The following STXBP4 variants were observed in gnomAD, a reference collection of about 807,000 sequenced individuals.
STXBP4 encodes syntaxin-binding protein 4.
STXBP4 carries 55 observed loss-of-function variants against 76.1 expected under a neutral mutation model. The observed-to-expected ratio is 0.72, with a 90% CI of 0.58 to 0.91. The LOEUF (loss-of-function observed/expected upper bound fraction) is 0.91, where lower values mean the gene tolerates loss of function less well. STXBP4 is among the 40% of genes least tolerant of loss of function. The probability of loss-of-function intolerance (pLI) is 0.00; values close to 1 mark genes in which losing one functional copy is unlikely to be tolerated. For synonymous variants in STXBP4, 201 were observed against 220.2 expected, an observed-to-expected ratio of 0.91 and a Z score of 0.77; for missense variants, 618 against 636.9, an observed-to-expected ratio of 0.97 and a Z score of 0.32.
chr17:55,066,396 G>A (rs1385294), intron 12 of STXBP4, among the ~76,000 whole-genome samples: 22,881 of 151,858 alleles, frequency 0.15, 2,285 homozygotes, highest in Admixed American at 0.31. Flanking sequence ...TCTGATTTTT[G>A]TATTTTTAGT....
chr17:55,089,769 A>G (rs754709200), intron 16 of STXBP4, among the ~76,000 whole-genome samples: 7 of 152,228 alleles, frequency 4.6e-5, no homozygotes, highest in Non-Finnish European at 1.0e-4. Context: ...GAAATGCATA[A>G]TAAGAAAAAA....
chr17:55,170,345 CAAT>C lies in STXBP4; in HGVS notation c.*10440_*10442del, dbSNP rs1316799485. The C allele has an allele frequency of 1.3e-5, 2 of 151,530 alleles. No homozygotes were observed. Among genetic ancestry groups the C allele is most frequent in the African/African-American group, 2.4e-5 (1 of 41,214 alleles). The allele number at this position is 151,530 out of a possible 1,614,324, so 9.4% of individuals were successfully genotyped here. The stretch of plus-strand genomic sequence containing the variant: ...GTTTAATGATACCAAGAAAGTATCA[CAAT>C]AATAACATCAAGTGGTAATAACAGG... On this transcript the variant is annotated 3_prime_UTR_variant, in exon 18 of 18. Coordinates refer to ENST00000376352, the MANE Select transcript of STXBP4 (RefSeq NM_178509.6).
intron 17 of STXBP4, among the ~76,000 whole-genome samples, chr17:55,143,021 T>A (rs1485825936): frequency 6.6e-6 from 1 of 152,222 alleles, no homozygotes; most frequent in Non-Finnish European, 1.5e-5. Context: ...CAAATCTGTG[T>A]TGCATTTCTT....
At chr17:55,090,523 G>C (rs1373812254) in intron 16 of STXBP4, among the ~76,000 whole-genome samples, 1 of 151,942 alleles carries the variant, frequency 6.6e-6, no homozygotes, top group Non-Finnish European at 1.5e-5. Context: ...GGCAATCAAA[G>C]GGTCTACACA....
intron 12 of STXBP4, among the ~76,000 whole-genome samples, chr17:55,063,312 A>T (rs575812443): frequency 6.6e-6 from 1 of 152,336 alleles, no homozygotes; most frequent in South Asian, 2.1e-4. Flanking sequence ...GAGAAATTTT[A>T]TTATCCTATT....
At chr17:55,082,927 A>G (rs1177876530) in intron 16 of STXBP4, among the ~76,000 whole-genome samples, 1 of 152,166 alleles carries the variant, frequency 6.6e-6, no homozygotes, top group Non-Finnish European at 1.5e-5. Context: ...TCAATGACAC[A>G]TTGCATTCAT....
At position 55,062,559 on chromosome 17, in the gene STXBP4, A is replaced by C. The variant is rs371692268; in HGVS notation, c.1012-10341A>C. 2.0e-5 allele frequency among the ~76,000 whole-genome samples: 3 copies of C among 152,008 alleles called. No homozygotes were observed. In the East Asian group the frequency reaches 5.8e-4, roughly 29 times the overall value. ...AGTGCTACAATAAACATATGTGTGC[A>C]TGTGTGTGTGTGTCTTTATAGTAGA... On this transcript the variant is annotated intron_variant, in intron 12 of 17. Transcript: ENST00000376352.
chr17:55,011,231 TA>T (rs1356398204), intron 8 of STXBP4, among the ~76,000 whole-genome samples: 10 of 152,076 alleles, frequency 6.6e-5, no homozygotes, highest in Non-Finnish European at 7.4e-5. Context: ...TTATTTGCAT[TA>T]TTTTTTTTAA....
At chr17:54,993,668 C>T (rs73323224) in intron 4 of STXBP4, among the ~76,000 whole-genome samples, 2,473 of 152,178 alleles carry the variant, frequency 0.016, 69 homozygotes, top group African/African-American at 0.057. Context: ...TTCTAGTCTG[C>T]ACAAAATTTC....
Position 55,172,532 on chromosome 17 carries a change from C to T in STXBP4, c.*12621C>T, listed in dbSNP as rs1357913120. ...AGTCAGATACACACACATATTTCAA[C>T]TGCATAACTTCCTTTAATAATACTT... On this transcript the variant is annotated 3_prime_UTR_variant, in exon 18 of 18. Transcript: ENST00000376352. 6.6e-6 allele frequency: 1 copy of T among 152,226 alleles called. No individual in the cohort carries two copies. Among genetic ancestry groups the T allele is most frequent in the Non-Finnish European group, 1.5e-5 (1 of 68,040 alleles). The allele number at this position is 152,226 out of a possible 1,614,324, so 9.4% of individuals were successfully genotyped here. A position where few individuals can be genotyped will look rare whatever the true frequency, so the allele number is the denominator to read the frequency against.
At chr17:55,043,598 TTC>T in intron 11 of STXBP4, 2 of 1,548,960 alleles carry the variant, frequency 1.3e-6, no homozygotes, top group Non-Finnish European at 1.7e-6. Context: ...ATCCTTTTTA[TTC>T]TCTCTCATTA....
chr17:55,067,966 G>A (rs746271173), intron 12 of STXBP4, among the ~76,000 whole-genome samples: 2 of 152,018 alleles, frequency 1.3e-5, no homozygotes, highest in Non-Finnish European at 2.9e-5. Flanking sequence ...AAAGTTCTAC[G>A]AATCATATTC....
chr17:54,994,112 C>T (rs1019655200), intron 4 of STXBP4, among the ~76,000 whole-genome samples: 1 of 152,134 alleles, frequency 6.6e-6, no homozygotes, highest in Non-Finnish European at 1.5e-5. Flanking sequence ...ATTCCCTCAG[C>T]TCTAAGAGCT....
Position 55,129,259 on chromosome 17 carries a change from T to TAACC in STXBP4, c.1490-12051_1490-12050insAACC, listed in dbSNP as rs2079948592. ...TTTTTTTTCTCTCTGCTCTCTCTTC[T>TAACC]TACCTCTGGCTTCTCATTCTCCTGC... On this transcript the variant is annotated intron_variant, in intron 16 of 17. Transcript: ENST00000376352. Among the ~76,000 whole-genome samples the TAACC allele has an allele frequency of 3.3e-5, 5 of 152,218 alleles. No individual in the cohort carries two copies. In the South Asian group the frequency reaches 1.0e-3, roughly 32 times the overall value.
At chr17:55,130,611 T>C (rs2079964053) in intron 16 of STXBP4, among the ~76,000 whole-genome samples, 1 of 152,192 alleles carries the variant, frequency 6.6e-6, no homozygotes, top group Non-Finnish European at 1.5e-5. Flanking sequence ...GTGCAATAGA[T>C]AACCAGAATT....
At chr17:55,011,234 T>A (rs183693911) in intron 8 of STXBP4, among the ~76,000 whole-genome samples, 1 of 151,832 alleles carries the variant, frequency 6.6e-6, no homozygotes, top group East Asian at 1.9e-4. Flanking sequence ...TTTGCATTAT[T>A]TTTTTTAATT....
At chr17:55,107,352 G>T (rs959696951) in intron 16 of STXBP4, among the ~76,000 whole-genome samples, 4 of 151,902 alleles carry the variant, frequency 2.6e-5, no homozygotes, top group Admixed American at 6.6e-5. Context: ...TTTTTTCAAG[G>T]TTCTTAGCTT....
At chr17:54,983,364 A>G (rs1407614556) in intron 1 of STXBP4, among the ~76,000 whole-genome samples, 2 of 152,250 alleles carry the variant, frequency 1.3e-5, no homozygotes, top group African/African-American at 4.8e-5. Flanking sequence ...GCATTTATAC[A>G]TCATTAGGCT....
intron 8 of STXBP4, among the ~76,000 whole-genome samples, chr17:55,011,806 G>T (rs543414259): frequency 1.3e-5 from 2 of 152,212 alleles, no homozygotes; most frequent in South Asian, 4.1e-4. Flanking sequence ...GGGATTCTTA[G>T]TCGGCCTAGG....
Sources: allele counts gnomAD v4.1 joint callset (sites outside exome capture counted in the v4.1 genomes callset), GRCh38; gene constraint gnomAD v4.1.1; transcripts MANE v1.5; gene names NCBI Gene and HGNC (gene_info 2026-07-23, HGNC 2026-07-21).